The following ADCY2 variants were observed in gnomAD, a reference collection of about 807,000 sequenced individuals.
ADCY2 encodes the protein adenylate cyclase 2, also known as adenylate cyclase type 2.
A neutral mutation model predicts 125.2 loss-of-function variants in ADCY2; 31 were observed. The ratio of observed to expected loss-of-function variants is 0.25; its 90% CI spans 0.19 to 0.33. The LOEUF is 0.33. Ranked by LOEUF, ADCY2 falls within the 10% of genes least tolerant of loss-of-function variation. The pLI, the probability that ADCY2 is intolerant of heterozygous loss-of-function variation, is 1.00. For synonymous variants in ADCY2, 512 were observed against 548.4 expected, an observed-to-expected ratio of 0.93 and a Z score of 0.93; for missense variants, 904 against 1,418.2, an observed-to-expected ratio of 0.64 and a Z score of 5.82.
intron 18 of ADCY2, among the ~76,000 whole-genome samples, chr5:7,780,956 C>T (rs16879046): frequency 0.064 from 9,785 of 152,266 alleles, 732 homozygotes; most frequent in African/African-American, 0.18. Flanking sequence ...CAACGGCAGA[C>T]GCCTGTGCGG....
At chr5:7,768,613 A>G (rs1052183703) in intron 17 of ADCY2, among the ~76,000 whole-genome samples, 1 of 152,202 alleles carries the variant, frequency 6.6e-6, no homozygotes, top group Non-Finnish European at 1.5e-5. Flanking sequence ...TGGCATCACT[A>G]AAAGAATAAG....
At chr5:7,643,625 C>G (rs1738787379) in intron 4 of ADCY2, among the ~76,000 whole-genome samples, 1 of 151,130 alleles carries the variant, frequency 6.6e-6, no homozygotes, top group African/African-American at 2.4e-5. Flanking sequence ...TTTCTAGCTT[C>G]TTTAAACATT....
chr5:7,738,000 C>T (rs973568040), intron 14 of ADCY2, among the ~76,000 whole-genome samples: 1 of 152,122 alleles, frequency 6.6e-6, no homozygotes, highest in Non-Finnish European at 1.5e-5. Context: ...AGAGGGAATT[C>T]ATCACCAGCA....
intron 2 of ADCY2, among the ~76,000 whole-genome samples, chr5:7,506,780 T>A (rs1743831307): frequency 6.8e-6 from 1 of 147,622 alleles, no homozygotes; most frequent in Non-Finnish European, 1.5e-5. Flanking sequence ...AAATGTGTGA[T>A]GCGTTGCTCT....
intron 2 of ADCY2, among the ~76,000 whole-genome samples, chr5:7,451,469 G>A (rs929236012): frequency 6.6e-6 from 1 of 152,214 alleles, no homozygotes; most frequent in African/African-American, 2.4e-5. Flanking sequence ...AACTTGAATG[G>A]ATGAGTTGTT....
intron 17 of ADCY2, among the ~76,000 whole-genome samples, chr5:7,768,316 G>T (rs372650615): frequency 1.1e-3 from 160 of 152,226 alleles, no homozygotes; most frequent in African/African-American, 3.7e-3. Context: ...CTCACTGTGG[G>T]CCATTTGTGG....
At chr5:7,698,922 C>G (rs1159342477) in intron 7 of ADCY2, among the ~76,000 whole-genome samples, 3 of 151,980 alleles carry the variant, frequency 2.0e-5, no homozygotes, top group African/African-American at 7.2e-5. Context: ...ACTGCTGGGT[C>G]AAATGGTATT....
intron 2 of ADCY2, among the ~76,000 whole-genome samples, chr5:7,507,365 C>T (rs1162812946): frequency 2.3e-5 from 3 of 129,136 alleles, no homozygotes; most frequent in Non-Finnish European, 3.3e-5. Context: ...GGCGTGAACC[C>T]GGGAGGCGGA....
intron 3 of ADCY2, among the ~76,000 whole-genome samples, chr5:7,558,110 T>G (rs1375852422): frequency 6.6e-6 from 1 of 152,024 alleles, no homozygotes. Context: ...TGTAGTGCAG[T>G]GGCACAATCT....
At chr5:7,741,936 C>T (rs1172414127) in intron 14 of ADCY2, among the ~76,000 whole-genome samples, 1 of 151,814 alleles carries the variant, frequency 6.6e-6, no homozygotes, top group East Asian at 1.9e-4. Context: ...TTACCATCAC[C>T]GTCATTATTA....
intron 3 of ADCY2, among the ~76,000 whole-genome samples, chr5:7,547,813 T>G (rs1251070499): frequency 6.6e-6 from 1 of 152,246 alleles, no homozygotes; most frequent in Non-Finnish European, 1.5e-5. Context: ...ACCCTCACCA[T>G]GTCAGACTTC....
chr5:7,723,564 G>A (rs1483033591), intron 12 of ADCY2, among the ~76,000 whole-genome samples: 5 of 152,034 alleles, frequency 3.3e-5, no homozygotes, highest in Non-Finnish European at 7.4e-5. Context: ...TTATGCATGC[G>A]TTTTTATGTT....
At chr5:7,446,548 A>G (rs1361032208) in intron 2 of ADCY2, among the ~76,000 whole-genome samples, 4 of 151,838 alleles carry the variant, frequency 2.6e-5, no homozygotes, top group Non-Finnish European at 4.4e-5. Flanking sequence ...ATACATACAT[A>G]CATACATACA....
At chr5:7,784,204 T>A (rs918102461) in intron 18 of ADCY2, among the ~76,000 whole-genome samples, 161 bp from the exon 19 acceptor site, 2 of 152,222 alleles carry the variant, frequency 1.3e-5, no homozygotes, top group Non-Finnish European at 2.9e-5. Flanking sequence ...TTTGTTTTAA[T>A]GCAAGCTGGG....
chr5:7,403,311 C>A (rs1739340152), intron 1 of ADCY2, among the ~76,000 whole-genome samples: 1 of 152,044 alleles, frequency 6.6e-6, no homozygotes, highest in Non-Finnish European at 1.5e-5. Context: ...ATACGGAGAT[C>A]AGGTTAATGT....
chr5:7,587,631 G>A (rs113704543), intron 3 of ADCY2, among the ~76,000 whole-genome samples: 2,910 of 152,210 alleles, frequency 0.019, 92 homozygotes, highest in African/African-American at 0.066. Context: ...ATGTGGTAGC[G>A]GATTAAAACC....
intron 17 of ADCY2, among the ~76,000 whole-genome samples, chr5:7,771,656 T>G (rs1032960333): frequency 1.1e-4 from 17 of 152,186 alleles, no homozygotes; most frequent in Non-Finnish European, 2.2e-4. Flanking sequence ...CAACTTTTCT[T>G]TCTTCCTTCC....
In ADCY2 at chr5:7,483,696, C is replaced by G. The variant is rs372434124; in HGVS notation, c.409-37042C>G. On this transcript the variant is annotated intron_variant, in intron 2 of 24. Coordinates refer to ENST00000338316, the MANE Select transcript of ADCY2 (RefSeq NM_020546.3). ...TTGAGTGACATTTTAGAGGGGCTGC[C>G]TTGCTGGCCCTGTCCACAGTCTCAG... Among the ~76,000 whole-genome samples the G allele has an allele frequency of 2.8e-4, 43 of 152,262 alleles. No individual in the cohort carries two copies. In the East Asian group the frequency reaches 8.1e-3, roughly 29 times the overall value.
At chr5:7,814,830 T>G (rs1422639228) in intron 22 of ADCY2, among the ~76,000 whole-genome samples, 1 of 152,222 alleles carries the variant, frequency 6.6e-6, no homozygotes, top group African/African-American at 2.4e-5. Flanking sequence ...ATCTCTGATT[T>G]AGCTCCCTTT....
Sources: gnomAD v4.1 joint callset for allele counts (sites outside exome capture counted in the v4.1 genomes callset) on GRCh38, gnomAD v4.1.1 for gene constraint, MANE v1.5 for transcripts, NCBI Gene and HGNC (gene_info 2026-07-23, HGNC 2026-07-21) for gene names.